FLOT1: variants seen among roughly 807,000 people sequenced by gnomAD.
The protein encoded by FLOT1 is flotillin-1.
Under a neutral mutation model 58.4 loss-of-function variants are expected in FLOT1, and 40 were observed. The ratio of observed to expected loss-of-function variants is 0.69; its 90% CI spans 0.53 to 0.89. The LOEUF (loss-of-function observed/expected upper bound fraction) is 0.89, where lower values mean the gene tolerates loss of function less well. Ranked by LOEUF, FLOT1 falls within the 40% of genes least tolerant of loss-of-function variation. The probability of loss-of-function intolerance (pLI) is 0.00; values close to 1 mark genes in which losing one functional copy is unlikely to be tolerated. For synonymous variants in FLOT1, 178 were observed against 204.2 expected (o/e 0.87, Z 1.09); for missense variants, 423 against 540.8 (o/e 0.78, Z 2.16).
Position 30,741,923 on chromosome 6 carries a change from G to A in FLOT1, c.44-56C>T. ...GCAGAGCTTGAATGTGGAAGACTGAGGAACTGGCGGGGGTGAGGGGACAGC... is the reference window on the plus strand; with the variant it reads ...GCAGAGCTTGAATGTGGAAGACTGAAGAACTGGCGGGGGTGAGGGGACAGC... On this transcript the variant is annotated intron_variant, in intron 2 of 12. Transcript: ENST00000376389. The surrounding 1 kb of genome is among the most constrained non-coding windows in gnomAD (Gnocchi z 5.9). The A allele has an allele frequency of 6.6e-7, 1 of 1,523,230 alleles. No homozygotes were observed. Among genetic ancestry groups the A allele is most frequent in the East Asian group, 2.3e-5 (1 of 44,382 alleles). 94.4% of individuals were successfully genotyped at this position (1,523,230 alleles called of 1,614,324 possible).
In FLOT1 at chr6:30,727,835, C is replaced by A; in HGVS notation, c.*281G>T. 1 of 578,074 alleles carries A rather than the reference C, an allele frequency of 1.7e-6. No homozygotes were observed. Among genetic ancestry groups the A allele is most frequent in the Non-Finnish European group, 3.1e-6 (1 of 323,392 alleles). 35.8% of individuals were successfully genotyped at this position (578,074 alleles called of 1,614,324 possible). ...AAATATTCTAGACAACAGGCTCAAA[C>A]AGTCTGATTTAATTAGGAAGTTAAA... On this transcript the variant is annotated 3_prime_UTR_variant, in exon 13 of 13. Transcript: ENST00000376389.
At chr6:30,733,744 AAAAAAAAAAAAG>A (rs1012609466) in intron 8 of FLOT1, among the ~76,000 whole-genome samples, 2 of 140,540 alleles carry the variant, frequency 1.4e-5, no homozygotes, top group African/African-American at 5.6e-5. Flanking sequence ...CCATCTCAAA[AAAAAAAAAAAAG>A]AAAAGAAAGC....
rs1777651131 is a variant in FLOT1, at chr6:30,737,238, GTCCGTCCGTCCA to G, written c.723+2908_723+2919del. On this transcript the variant is annotated intron_variant, in intron 8 of 12. Coordinates refer to ENST00000376389, the MANE Select transcript of FLOT1 (RefSeq NM_005803.4). The surrounding 1 kb of genome is among the most constrained non-coding windows in gnomAD (Gnocchi z 4.4). Reference sequence around the variant, plus strand: ...CGTCCGTCCGTCCGTCCGTCCGTCCGTCCGTCCGTCCATCCGTCCATCCATCCATCCATATAT... The same window carrying G: ...CGTCCGTCCGTCCGTCCGTCCGTCCGTCCGTCCATCCATCCATCCATATAT... 7.7e-6 allele frequency among the ~76,000 whole-genome samples: 1 copy of G among 129,678 alleles called. No homozygotes were observed. Among genetic ancestry groups the G allele is most frequent in the African/African-American group, 3.5e-5 (1 of 28,526 alleles). 85.1% of individuals were successfully genotyped at this position (129,678 alleles called of 152,430 possible).
intron 8 of FLOT1, among the ~76,000 whole-genome samples, chr6:30,738,985 CTT>C (rs1488206720): frequency 2.6e-5 from 4 of 152,144 alleles, no homozygotes; most frequent in African/African-American, 7.2e-5. Flanking sequence ...TATTGGTAAC[CTT>C]TTGAGGTTAC....
intron 8 of FLOT1, 139 bp downstream of exon 8, chr6:30,740,019 T>G: frequency 1.7e-5 from 13 of 759,550 alleles, no homozygotes; most frequent in Non-Finnish European, 2.7e-5. Context: ...TCTCTCCTCA[T>G]ATGGGGGAGT....
rs758260080 is a variant in FLOT1 at position 30,742,491 on chromosome 6, G to C, written c.-15+36C>G. 16 of 461,504 alleles carry C rather than the reference G, an allele frequency of 3.5e-5. No individual in the cohort carries two copies. The highest frequency in any genetic ancestry group is 6.1e-5 in the African/African-American group (3 of 48,994). 28.6% of individuals were successfully genotyped at this position (461,504 alleles called of 1,614,324 possible). A position where few individuals can be genotyped will look rare whatever the true frequency, so the allele number is the denominator to read the frequency against. On this transcript the variant is annotated intron_variant, in intron 1 of 12. Coordinates refer to ENST00000376389, the MANE Select transcript of FLOT1 (RefSeq NM_005803.4). This position sits in a 1 kb window ranked among gnomAD's most constrained non-coding sequence, Gnocchi z 5.2. ...CCTTTCCCCTCTCTCCCTGCTTCTC[G>C]GCAGCCCCAGGCTCCATCTCCCCTC...
intron 8 of FLOT1, 133 bp from the exon 9 acceptor site, chr6:30,731,233 C>T (rs1777170006): frequency 1.2e-6 from 1 of 864,120 alleles, no homozygotes. Context: ...GCCTGTAATC[C>T]TAGCGCTTTG....
At chr6:30,734,676 T>A (rs541182901) in intron 8 of FLOT1, among the ~76,000 whole-genome samples, 213 of 152,216 alleles carry the variant, frequency 1.4e-3, no homozygotes, top group Non-Finnish European at 2.0e-3. Context: ...TTTTTCCCCT[T>A]TGTCAGCTCT....
rs1777689304 is a variant in FLOT1 at position 30,737,556 on chromosome 6, C to A, written c.723+2602G>T. ...TACAGGCATGAACCACCGCGCCCAG[C>A]CACTTTTTAAGTATGACTACTTAAA... On this transcript the variant is annotated intron_variant, in intron 8 of 12. Transcript: ENST00000376389. The surrounding 1 kb of genome is among the most constrained non-coding windows in gnomAD (Gnocchi z 4.4). 6.6e-6 allele frequency among the ~76,000 whole-genome samples: 1 copy of A among 152,126 alleles called. No individual in the cohort carries two copies. Among genetic ancestry groups the A allele is most frequent in the African/African-American group, 2.4e-5 (1 of 41,428 alleles).
intron 8 of FLOT1, among the ~76,000 whole-genome samples, chr6:30,731,393 G>A (rs1777184891): frequency 6.7e-6 from 1 of 149,904 alleles, no homozygotes; most frequent in Non-Finnish European, 1.5e-5. Flanking sequence ...GCTGAGGCAG[G>A]AGAATTGCTT....
intron 12 of FLOT1, among the ~76,000 whole-genome samples, chr6:30,729,241 AT>A (rs1050879272): frequency 6.7e-6 from 1 of 149,284 alleles, no homozygotes; most frequent in African/African-American, 2.5e-5. Flanking sequence ...AGCCTGGCTA[AT>A]TTTTTTTTGT....
At chr6:30,734,601 CT>C (rs1777435188) in intron 8 of FLOT1, among the ~76,000 whole-genome samples, 1 of 152,196 alleles carries the variant, frequency 6.6e-6, no homozygotes, top group Admixed American at 6.5e-5. Context: ...GCCAACACCC[CT>C]GGCCCTGCTT....
At chr6:30,738,402 T>A (rs1399701668) in intron 8 of FLOT1, among the ~76,000 whole-genome samples, 1 of 152,200 alleles carries the variant, frequency 6.6e-6, no homozygotes, top group East Asian at 1.9e-4. Flanking sequence ...ACAAAATGCA[T>A]AATATTGCTA....
At chr6:30,736,022 G>A (rs1291118018) in intron 8 of FLOT1, among the ~76,000 whole-genome samples, 2 of 151,898 alleles carry the variant, frequency 1.3e-5, no homozygotes, top group Non-Finnish European at 1.5e-5. Flanking sequence ...AGGCTGAGGC[G>A]GGAAGGATCC....
At position 30,741,916 on chromosome 6, in the gene FLOT1, A is replaced by C. The variant is rs975805841; in HGVS notation, c.44-49T>G. 1.3e-6 allele frequency: 2 copies of C among 1,557,384 alleles called. No homozygotes were observed. Among genetic ancestry groups the C allele is most frequent in the Non-Finnish European group, 1.8e-6 (2 of 1,131,956 alleles). On this transcript the variant is annotated intron_variant, in intron 2 of 12. Coordinates refer to ENST00000376389, the MANE Select transcript of FLOT1 (RefSeq NM_005803.4). The surrounding 1 kb of genome is among the most constrained non-coding windows in gnomAD (Gnocchi z 5.9). ...AACGGTGGCAGAGCTTGAATGTGGA[A>C]GACTGAGGAACTGGCGGGGGTGAGG...
intron 12 of FLOT1, among the ~76,000 whole-genome samples, chr6:30,728,942 C>T (rs978134507): frequency 5.3e-5 from 8 of 151,626 alleles, no homozygotes; most frequent in African/African-American, 9.7e-5. Context: ...CCGCCACGCC[C>T]GGCTGTTTTG....
intron 8 of FLOT1, among the ~76,000 whole-genome samples, chr6:30,739,809 G>C (rs1022717103): frequency 6.6e-6 from 1 of 152,032 alleles, no homozygotes; most frequent in African/African-American, 2.4e-5. Context: ...CTACAGGCCC[G>C]AGCTGCCATG....
rs563773280 is a variant in FLOT1, at chr6:30,727,997, T to A, written c.*119A>T. ...GCACAAACTATTTGGCAAGGAGAGATGAGGGGTGGGACCTCACTGTCAATG... is the reference window on the plus strand; with the variant it reads ...GCACAAACTATTTGGCAAGGAGAGAAGAGGGGTGGGACCTCACTGTCAATG... On this transcript the variant is annotated 3_prime_UTR_variant, in exon 13 of 13. Coordinates refer to ENST00000376389, the MANE Select transcript of FLOT1 (RefSeq NM_005803.4). 9.6e-5 allele frequency: 90 copies of A among 937,650 alleles called. No individual in the cohort carries two copies. The South Asian group carries it at 1.2e-3, about 12-fold the overall frequency. 58.1% of individuals were successfully genotyped at this position (937,650 alleles called of 1,614,324 possible).
intron 11 of FLOT1, 109 bp downstream of exon 11, chr6:30,730,319 C>G: frequency 6.7e-7 from 1 of 1,495,262 alleles, no homozygotes. Flanking sequence ...ATTCCCACCC[C>G]TAATTTAGAG....
Sources: allele counts gnomAD v4.1 joint callset (sites outside exome capture counted in the v4.1 genomes callset), GRCh38; gene constraint gnomAD v4.1.1; non-coding constraint Gnocchi (gnomAD v3.1); transcripts MANE v1.5; gene names NCBI Gene and HGNC (gene_info 2026-07-23, HGNC 2026-07-21).